PDIA6: variants seen among roughly 807,000 people sequenced by gnomAD.
The protein encoded by PDIA6 is protein disulfide-isomerase A6.
PDIA6 carries 29 observed loss-of-function variants against 58.4 expected under a neutral mutation model. The ratio of observed to expected loss-of-function variants is 0.50; its 90% CI spans 0.37 to 0.68. PDIA6 has a LOEUF of 0.68. PDIA6 is among the 30% of genes least tolerant of loss of function. The probability of loss-of-function intolerance (pLI) is 0.00; values close to 1 mark genes in which losing one functional copy is unlikely to be tolerated. For synonymous variants in PDIA6, 192 were observed against 202.6 expected (o/e 0.95, Z 0.44); for missense variants, 480 against 551.0 (o/e 0.87, Z 1.29).
upstream of PDIA6, among the ~76,000 whole-genome samples, chr2:10,813,021 G>A (rs2148567882): frequency 6.6e-6 from 1 of 152,234 alleles, no homozygotes; most frequent in South Asian, 2.1e-4. Context: ...CACCGCCTCA[G>A]CTCCTCCGGG....
chr2:10,788,635 T>A, intron 10 of PDIA6, 62 bp downstream of exon 10: 1 of 1,110,742 alleles, frequency 9.0e-7, no homozygotes, highest in East Asian at 2.3e-5. Context: ...GGGGAACCAC[T>A]CTCAAGAAAG....
In PDIA6 at chr2:10,823,817, C is replaced by T. The variant is rs1667471165; in HGVS notation, c.-47-4463G>A. ...GCTGTTGCTTCATGGCTCTGTCCTTCCATTGGCTAAAAAGAGCTGCTGTGC... is the reference window on the plus strand; with the variant it reads ...GCTGTTGCTTCATGGCTCTGTCCTTTCATTGGCTAAAAAGAGCTGCTGTGC... On this transcript the variant is annotated intron_variant, in intron 1 of 13. Transcript: ENST00000381611. Among the ~76,000 whole-genome samples the T allele has an allele frequency of 2.6e-5, 4 of 151,498 alleles. No homozygotes were observed. The South Asian group carries it at 8.4e-4, about 32-fold the overall frequency.
In PDIA6 at chr2:10,783,433, C is replaced by T. The variant is rs1665518530; in HGVS notation, c.*825G>A. ...TATTTTTTTAAGTTACAATAAAATG[C>T]TCTCAAGTCCTTTGAATGTTCCAAC... is the stretch of plus-strand genomic sequence containing the variant. On this transcript the variant is annotated 3_prime_UTR_variant, in exon 13 of 13. Coordinates refer to ENST00000272227, the MANE Select transcript of PDIA6 (RefSeq NM_005742.4). 3 of 502,812 alleles carry T rather than the reference C, an allele frequency of 6.0e-6. No individual in the cohort carries two copies. The highest frequency in any genetic ancestry group is 7.4e-5 in the Admixed American group (2 of 26,942). 31.1% of individuals were successfully genotyped at this position (502,812 alleles called of 1,614,324 possible).
intron 1 of PDIA6, among the ~76,000 whole-genome samples, chr2:10,825,520 G>A (rs1412123004): frequency 6.6e-6 from 1 of 152,074 alleles, no homozygotes; most frequent in African/African-American, 2.4e-5. Flanking sequence ...GCTTCAAAGG[G>A]CACCATCAAG....
At chr2:10,818,926 C>T (rs2148574117) in intron 2 of PDIA6, among the ~76,000 whole-genome samples, 1 of 152,218 alleles carries the variant, frequency 6.6e-6, no homozygotes, top group South Asian at 2.1e-4. Flanking sequence ...GAAACTCTAT[C>T]CCCATTAAAT....
chr2:10,810,208 G>C (rs1204835610), intron 1 of PDIA6: 3 of 1,083,302 alleles, frequency 2.8e-6, no homozygotes, highest in Non-Finnish European at 4.1e-6. Flanking sequence ...TTATTTCACA[G>C]ACCAGGAAAC....
At chr2:10,808,184 C>A (rs370061050) in intron 1 of PDIA6, among the ~76,000 whole-genome samples, 5 of 152,180 alleles carry the variant, frequency 3.3e-5, no homozygotes, top group African/African-American at 1.2e-4. Context: ...AAGGAGTATT[C>A]CAGTTGCCAT....
Position 10,829,693 on chromosome 2 carries a change from CTTT to C in PDIA6, c.-48+2506_-48+2508del, listed in dbSNP as rs553292270. Among the ~76,000 whole-genome samples the C allele has an allele frequency of 3.1e-3, 478 of 152,262 alleles. 3 individuals carry two copies. Among genetic ancestry groups the C allele is most frequent in the African/African-American group, 0.011 (458 of 41,552 alleles). ...CTGGCCTGGGCTATTGCAACAGCCT[CTTT>C]TTTTAATTATTATTTTTAATTTTTT... On this transcript the variant is annotated intron_variant, in intron 1 of 13. Transcript: ENST00000381611.
At chr2:10,816,927 G>A (rs946123208), upstream of PDIA6, among the ~76,000 whole-genome samples, 2 of 152,200 alleles carry the variant, frequency 1.3e-5, no homozygotes, top group African/African-American at 2.4e-5. Flanking sequence ...TTCAAGGAAT[G>A]TCCTCATTCA....
Position 10,784,336 on chromosome 2 carries a change from G to A in PDIA6, c.1255-10C>T, listed in dbSNP as rs372081801. 7.5e-5 allele frequency: 121 copies of A among 1,610,196 alleles called. No individual in the cohort carries two copies. Among genetic ancestry groups the A allele is most frequent in the Middle Eastern group, 1.6e-4 (1 of 6,072 alleles). On this transcript the variant is annotated splice_polypyrimidine_tract_variant and intron_variant, in intron 12 of 12. Coordinates refer to ENST00000272227, the MANE Select transcript of PDIA6 (RefSeq NM_005742.4). ...CATCCTCCACGGGAAGCTGGGAGAC[G>A]ACAGAAAGCCACTGTTAGATCTGCA...
chr2:10,825,850 A>G (rs1202635017), intron 1 of PDIA6, among the ~76,000 whole-genome samples: 1 of 152,238 alleles, frequency 6.6e-6, no homozygotes, highest in Non-Finnish European at 1.5e-5. Context: ...GAGGTGGAGA[A>G]ATTGGAACCC....
At chr2:10,835,658 C>T (rs1418173552), upstream of PDIA6, among the ~76,000 whole-genome samples, 2 of 152,182 alleles carry the variant, frequency 1.3e-5, no homozygotes, top group Non-Finnish European at 2.9e-5. Flanking sequence ...GGGTTTGGAT[C>T]CACCTCTGAG....
At chr2:10,797,379 T>C (rs557576409) in intron 3 of PDIA6, among the ~76,000 whole-genome samples, 172 bp from the exon 4 acceptor site, 3 of 152,212 alleles carry the variant, frequency 2.0e-5, no homozygotes, top group Non-Finnish European at 4.4e-5. Flanking sequence ...CTAAATGGAA[T>C]GATGGGGGAA....
Position 10,795,504 on chromosome 2 carries a change from C to T in PDIA6, c.346+1577G>A, listed in dbSNP as rs570419923. On this transcript the variant is annotated intron_variant, in intron 4 of 12. Transcript: ENST00000272227. ...CTTCATCTTCAGACGAAGACGAAGA[C>T]GAAGATGAGCCCTCCAGCCTCGAGA... Among the ~76,000 whole-genome samples, 453 of 138,110 alleles carry T rather than the reference C, an allele frequency of 3.3e-3. 6 individuals are homozygous for T. The highest frequency in any genetic ancestry group is 6.7e-3 in the Admixed American group (90 of 13,446). 90.6% of individuals were successfully genotyped at this position (138,110 alleles called of 152,430 possible).
intron 12 of PDIA6, 116 bp downstream of exon 12, chr2:10,784,818 G>T (rs376113360): frequency 1.6e-4 from 116 of 714,452 alleles, no homozygotes; most frequent in Middle Eastern, 1.1e-3. Context: ...AAAGGCCCAC[G>T]GGTGCACCAG....
At chr2:10,831,279 G>A (rs1447748194) in intron 1 of PDIA6, among the ~76,000 whole-genome samples, 5 of 152,166 alleles carry the variant, frequency 3.3e-5, no homozygotes, top group Admixed American at 6.5e-5. Context: ...TCCCGGGCCC[G>A]TGCACATTGT....
Position 10,812,717 on chromosome 2 carries a change from C to G in PDIA6, c.-21G>C. ...GCCATGCCGAGCGCCGGGCTACGTG[C>G]AGTCCCCACCGCCGCCGCCGCTTCA... On this transcript the variant is annotated 5_prime_UTR_variant, in exon 1 of 13. Coordinates refer to ENST00000272227, the MANE Select transcript of PDIA6 (RefSeq NM_005742.4). 1 of 1,509,252 alleles carries G rather than the reference C, an allele frequency of 6.6e-7. No individual in the cohort carries two copies. Among genetic ancestry groups the G allele is most frequent in the Non-Finnish European group, 8.8e-7 (1 of 1,131,578 alleles). 93.5% of individuals were successfully genotyped at this position (1,509,252 alleles called of 1,614,324 possible). A position where few individuals can be genotyped will look rare whatever the true frequency, so the allele number is the denominator to read the frequency against.
At chr2:10,797,254 G>A in intron 3 of PDIA6, 47 bp from the exon 4 acceptor site, 1 of 1,579,338 alleles carries the variant, frequency 6.3e-7, no homozygotes, top group Non-Finnish European at 8.6e-7. Flanking sequence ...CGCTAAAGCA[G>A]ACTCCACAAG....
At chr2:10,796,351 C>A (rs547089674) in intron 4 of PDIA6, among the ~76,000 whole-genome samples, 10 of 152,140 alleles carry the variant, frequency 6.6e-5, no homozygotes, top group African/African-American at 2.4e-4. Context: ...TCATGCCCAG[C>A]CCGTTTGTGA....
Sources: gnomAD v4.1 joint callset for allele counts (sites outside exome capture counted in the v4.1 genomes callset) on GRCh38, gnomAD v4.1.1 for gene constraint, MANE v1.5 for transcripts, NCBI Gene and HGNC (gene_info 2026-07-23, HGNC 2026-07-21) for gene names.